Variants in IRAK4 observed in about 807,000 individuals in gnomAD.
IRAK4 encodes interleukin 1 receptor associated kinase 4, also known as interleukin-1 receptor-associated kinase 4.
A neutral mutation model predicts 51.8 loss-of-function variants in IRAK4; 44 were observed. That is an observed-to-expected ratio of 0.85 (90% confidence interval 0.67 to 1.09). The LOEUF is 1.09. IRAK4 is among the 50% of genes least tolerant of loss of function. IRAK4 has a pLI of 0.00. For missense variants in IRAK4, 487 were observed against 538.0 expected (o/e 0.91, Z 0.94); for synonymous variants, 149 against 174.1 (o/e 0.86, Z 1.13).
chr12:43,774,136 A>G (rs1338507489), intron 6 of IRAK4, 107 bp downstream of exon 6: 1 of 767,804 alleles, frequency 1.3e-6, no homozygotes, highest in Non-Finnish European at 2.2e-6. Context: ...TTGCACATAT[A>G]TGAAATTAAA....
At chr12:43,771,467 A>G (rs762168020) in intron 3 of IRAK4, 102 bp downstream of exon 3, 83 of 1,240,384 alleles carry the variant, frequency 6.7e-5, no homozygotes, top group South Asian at 5.8e-4. Context: ...ATAGTAGATG[A>G]AGCTTACATT....
chr12:43,771,998 C>G (rs566225467), intron 3 of IRAK4, among the ~76,000 whole-genome samples, 182 bp from the exon 4 acceptor site: 1 of 152,332 alleles, frequency 6.6e-6, no homozygotes, highest in Admixed American at 6.5e-5. Flanking sequence ...GCCTTACTCT[C>G]TTTACCCATC....
intron 6 of IRAK4, among the ~76,000 whole-genome samples, chr12:43,775,374 A>T (rs1423488444): frequency 6.6e-6 from 1 of 152,198 alleles, no homozygotes; most frequent in African/African-American, 2.4e-5. Context: ...AGGTGCAGCA[A>T]ACCACTATGG....
chr12:43,779,503 A>G (rs1164708954), intron 8 of IRAK4, among the ~76,000 whole-genome samples: 1 of 152,114 alleles, frequency 6.6e-6, no homozygotes, highest in Non-Finnish European at 1.5e-5. Flanking sequence ...ACAGTTTGTA[A>G]GAAGAGGCAG....
chr12:43,763,524 T>A (rs891849206), intron 1 of IRAK4: 6 of 152,198 alleles, frequency 3.9e-5, no homozygotes, highest in Non-Finnish European at 7.3e-5. Context: ...AATTAATAAG[T>A]AATTTTTAAG....
chr12:43,773,999 A>G lies in IRAK4; in HGVS notation c.686A>G (p.Gln229Arg). ...ATTACTACTGAAGAACTGAAACAGCAGTTTGATCAAGAAATAAAAGTAATG... is the reference window on the plus strand; with the variant it reads ...ATTACTACTGAAGAACTGAAACAGCGGTTTGATCAAGAAATAAAAGTAATG... ...VDITTEELKQ[Q>R]FDQEIKVMAK... The change falls in exon 6 of 12, where the codon CAG (glutamine) becomes CGG (arginine). Residue 229 changes from glutamine (Q) to arginine (R), a missense_variant. Coordinates refer to ENST00000613694, the MANE Select transcript of IRAK4 (RefSeq NM_016123.4). 6.2e-7 allele frequency: 1 copy of G among 1,610,562 alleles called. No homozygotes were observed. The highest frequency in any genetic ancestry group is 1.7e-5 in the Admixed American group (1 of 60,018).
At chr12:43,771,608 A>G (rs1940772132) in intron 3 of IRAK4, among the ~76,000 whole-genome samples, 1 of 152,230 alleles carries the variant, frequency 6.6e-6, no homozygotes. Flanking sequence ...CAGGAAGTTT[A>G]GAAGGAAAGA....
rs370524518 is a variant in IRAK4, at chr12:43,768,146, G to A, written c.35G>A (p.Arg12His). 7.9e-5 allele frequency: 128 copies of A among 1,613,348 alleles called. No homozygotes were observed. The highest frequency in any genetic ancestry group is 9.9e-5 in the South Asian group (9 of 91,050). ...NKPITPSTYV[R>H]CLNVGLIRKL... ...CCCATAACACCATCAACATATGTGC[G>A]CTGCCTCAATGTTGGACTAATTAGG... Residue 12 changes from arginine (R) to histidine (H), a missense_variant, in exon 2 of 12, where the codon CGC becomes CAC. By Grantham distance (29) the Arg-to-His change is conservative. Transcript: ENST00000613694.
intron 2 of IRAK4, 167 bp downstream of exon 2, chr12:43,768,439 T>C: frequency 1.7e-6 from 1 of 599,130 alleles, no homozygotes; most frequent in Non-Finnish European, 2.9e-6. Flanking sequence ...TGCAGTTTTG[T>C]CTTCTTTGTC....
At chr12:43,767,448 GA>G (rs1347939315) in intron 1 of IRAK4, among the ~76,000 whole-genome samples, 4 of 152,190 alleles carry the variant, frequency 2.6e-5, no homozygotes, top group African/African-American at 9.7e-5. Context: ...GGGGATTGCA[GA>G]AATAAAGATT....
intron 2 of IRAK4, 110 bp from the exon 3 acceptor site, chr12:43,771,110 C>A: frequency 1.0e-6 from 1 of 1,000,872 alleles, no homozygotes; most frequent in Non-Finnish European, 1.5e-6. Context: ...GAACCGTGAG[C>A]CAAATTAACT....
chr12:43,779,649 T>A (rs985485288), intron 8 of IRAK4, among the ~76,000 whole-genome samples: 5 of 152,180 alleles, frequency 3.3e-5, no homozygotes, highest in African/African-American at 1.2e-4. Context: ...ACTCCTGGAA[T>A]AATGGCATCC....
intron 2 of IRAK4, among the ~76,000 whole-genome samples, chr12:43,770,811 A>G (rs892519133): frequency 1.3e-5 from 2 of 152,204 alleles, no homozygotes; most frequent in Non-Finnish European, 2.9e-5. Context: ...TACCCATTGC[A>G]ACAGGGTTGA....
intron 2 of IRAK4, among the ~76,000 whole-genome samples, chr12:43,769,747 C>T (rs1162409814): frequency 1.3e-5 from 2 of 152,132 alleles, no homozygotes; most frequent in Non-Finnish European, 2.9e-5. Flanking sequence ...CTTCCTTCAC[C>T]AAGTGATCAA....
chr12:43,764,712 T>C (rs1308624772), intron 1 of IRAK4, among the ~76,000 whole-genome samples: 1 of 152,198 alleles, frequency 6.6e-6, no homozygotes, highest in East Asian at 1.9e-4. Context: ...CCTTGTTTGA[T>C]GAGAGAAAAG....
Position 43,787,854 on chromosome 12 carries a change from C to A in IRAK4, c.*1139C>A, listed in dbSNP as rs1012584531. On this transcript the variant is annotated 3_prime_UTR_variant, in exon 12 of 12. Coordinates refer to ENST00000613694, the MANE Select transcript of IRAK4 (RefSeq NM_016123.4). ...GGCAGATCACCTGAGGTCAAGAGTT[C>A]AAGACCGGCCTGGCCAACATGGTGA... 1 of 152,310 alleles carries A rather than the reference C, an allele frequency of 6.6e-6. No homozygotes were observed. 9.4% of individuals were successfully genotyped at this position (152,310 alleles called of 1,614,324 possible). A position where few individuals can be genotyped will look rare whatever the true frequency, so the allele number is the denominator to read the frequency against.
At chr12:43,767,784 C>T (rs1170885035) in intron 1 of IRAK4, among the ~76,000 whole-genome samples, 1 of 151,964 alleles carries the variant, frequency 6.6e-6, no homozygotes, top group East Asian at 1.9e-4. Flanking sequence ...TGATATTACT[C>T]TTAAGAATTT....
chr12:43,782,019 GAC>G (rs1330966721), intron 8 of IRAK4, among the ~76,000 whole-genome samples: 1 of 152,050 alleles, frequency 6.6e-6, no homozygotes, highest in Non-Finnish European at 1.5e-5. Flanking sequence ...TACTAATGTA[GAC>G]AGTTTTATTT....
intron 7 of IRAK4, 40 bp downstream of exon 7, chr12:43,777,784 A>G (rs4251499): frequency 2.0e-5 from 28 of 1,410,200 alleles, no homozygotes; most frequent in Non-Finnish European, 2.8e-5. Flanking sequence ...CTTTTTGTTT[A>G]TATGCTGGAA....
Sources: gnomAD v4.1 joint callset for allele counts (sites outside exome capture counted in the v4.1 genomes callset) on GRCh38, gnomAD v4.1.1 for gene constraint, MANE v1.5 for transcripts, NCBI Gene and HGNC (gene_info 2026-07-23, HGNC 2026-07-21) for gene names.